The following NXPE2 variants were observed in gnomAD, a reference collection of about 807,000 sequenced individuals.
NXPE2 encodes NXPE family member 2.
In NXPE2, 34 loss-of-function variants were observed where a neutral mutation model predicts 34.4. The ratio of observed to expected loss-of-function variants is 0.99; its 90% CI spans 0.75 to 1.31. The LOEUF is 1.31. Ranked by LOEUF, NXPE2 falls within the 40% of genes most tolerant of loss-of-function variation. The pLI is 0.00. For synonymous variants in NXPE2, 235 were observed against 231.3 expected, an observed-to-expected ratio of 1.02 and a Z score of -0.15; for missense variants, 649 against 672.5, an observed-to-expected ratio of 0.97 and a Z score of 0.39.
the NXPE2 span, among the ~76,000 whole-genome samples, chr11:114,733,583 C>T: frequency 2.8e-3 from 425 of 152,142 alleles, no homozygotes; most frequent in African/African-American, 9.7e-3. Context: ...TCTTGGGTGC[C>T]GTAAGTTATC....
chr11:114,538,631 A>G, the NXPE2 span, among the ~76,000 whole-genome samples: 6 of 152,240 alleles, frequency 3.9e-5, no homozygotes, highest in Admixed American at 1.3e-4. Flanking sequence ...ATATGAACAG[A>G]CACTTCTCAA....
the NXPE2 span, among the ~76,000 whole-genome samples, chr11:114,636,102 T>TTG: frequency 6.8e-3 from 1 of 146 alleles, no homozygotes; most frequent in Non-Finnish European, 0.012. Flanking sequence ...TCCTGGACTC[T>TTG]TTCGTTGGTA....
chr11:114,693,612 G>A (rs918894015), intron 2 of NXPE2, among the ~76,000 whole-genome samples: 7 of 152,240 alleles, frequency 4.6e-5, no homozygotes, highest in East Asian at 1.9e-4. Context: ...TTAACCTAAC[G>A]AAATCAAATG....
intron 1 of NXPE2, 145 bp from the exon 2 acceptor site, chr11:114,679,512 G>T: frequency 2.1e-6 from 1 of 483,184 alleles, no homozygotes; most frequent in South Asian, 4.3e-5. Context: ...GTTTCTGATT[G>T]ACAATAGAAG....
the NXPE2 span, among the ~76,000 whole-genome samples, chr11:114,535,348 C>G: frequency 1.4e-3 from 215 of 152,270 alleles, 1 homozygote; most frequent in East Asian, 0.026. Context: ...TAAAGAATAT[C>G]AAGGCTAGGA....
At chr11:114,739,450 C>T in the NXPE2 span, among the ~76,000 whole-genome samples, 1 of 147,552 alleles carries the variant, frequency 6.8e-6, no homozygotes, top group Non-Finnish European at 1.5e-5. Context: ...TACCTTCCTC[C>T]CTCCCTCCCT....
the NXPE2 span, among the ~76,000 whole-genome samples, chr11:114,493,612 A>G: frequency 6.6e-6 from 1 of 152,062 alleles, no homozygotes; most frequent in Non-Finnish European, 1.5e-5. Flanking sequence ...ACTAATGTGA[A>G]CACTACACTT....
the NXPE2 span, among the ~76,000 whole-genome samples, chr11:114,715,002 C>CAG: frequency 1.3e-5 from 2 of 152,144 alleles, no homozygotes; most frequent in African/African-American, 2.4e-5. Context: ...GCCTGGGCGA[C>CAG]AGAGAGAGAC....
chr11:114,510,939 A>G, the NXPE2 span, among the ~76,000 whole-genome samples: 1 of 152,188 alleles, frequency 6.6e-6, no homozygotes, highest in African/African-American at 2.4e-5. Context: ...TTAGTAATGC[A>G]AACACTAACT....
At chr11:114,484,962 G>A in the NXPE2 span, among the ~76,000 whole-genome samples, 3 of 152,158 alleles carry the variant, frequency 2.0e-5, no homozygotes, top group Admixed American at 6.5e-5. Flanking sequence ...GATCCTTAGT[G>A]TCCTTTTCTG....
chr11:114,521,635 G>A, the NXPE2 span: 886 of 216,488 alleles, frequency 4.1e-3, 7 homozygotes, highest in African/African-American at 0.019. Context: ...CTTTTCAATA[G>A]ACAGAGCTAG....
At chr11:114,508,097 A>G in the NXPE2 span, among the ~76,000 whole-genome samples, 1 of 152,212 alleles carries the variant, frequency 6.6e-6, no homozygotes. Context: ...CTACACAGCA[A>G]CAACAGTCAA....
the NXPE2 span, among the ~76,000 whole-genome samples, chr11:114,770,322 C>A: frequency 6.6e-6 from 1 of 152,194 alleles, no homozygotes; most frequent in Non-Finnish European, 1.5e-5. Flanking sequence ...ACCCCCTCCC[C>A]ATCTACCTCT....
the NXPE2 span, among the ~76,000 whole-genome samples, chr11:114,539,782 C>G: frequency 6.6e-6 from 1 of 151,678 alleles, no homozygotes; most frequent in East Asian, 1.9e-4. Flanking sequence ...ATAAACCAAT[C>G]AAAAGAAGTA....
At chr11:114,473,790 C>G in the NXPE2 span, among the ~76,000 whole-genome samples, 1 of 152,156 alleles carries the variant, frequency 6.6e-6, no homozygotes. Context: ...GCAAGCCTAC[C>G]TGGTTTTCAA....
At chr11:114,627,846 CA>C in the NXPE2 span, among the ~76,000 whole-genome samples, 1 of 150,344 alleles carries the variant, frequency 6.7e-6, no homozygotes, top group Non-Finnish European at 1.5e-5. Context: ...AAATGGAAAA[CA>C]AAAAAATGCA....
At chr11:114,806,503 G>A in the NXPE2 span, among the ~76,000 whole-genome samples, 1 of 151,842 alleles carries the variant, frequency 6.6e-6, no homozygotes, top group East Asian at 1.9e-4. Context: ...GTCCTTAAAG[G>A]ACCTGATGGA....
chr11:114,588,031 C>T, the NXPE2 span, among the ~76,000 whole-genome samples: 1 of 152,132 alleles, frequency 6.6e-6, no homozygotes, highest in African/African-American at 2.4e-5. Context: ...TGTGAGACAA[C>T]CCAGAACTTT....
At chr11:114,781,994 G>A in the NXPE2 span, among the ~76,000 whole-genome samples, 1 of 152,116 alleles carries the variant, frequency 6.6e-6, no homozygotes, top group Admixed American at 6.5e-5. Flanking sequence ...TATCCGTGGT[G>A]GATTGGTTCC....
Sources: allele counts gnomAD v4.1 joint callset (sites outside exome capture counted in the v4.1 genomes callset), GRCh38; gene constraint gnomAD v4.1.1; transcripts MANE v1.5; gene names NCBI Gene and HGNC (gene_info 2026-07-23, HGNC 2026-07-21).